The following AFG2A variants were observed in gnomAD, a reference collection of about 807,000 sequenced individuals.
AFG2A encodes ATPase family gene 2 protein homolog A.
the AFG2A span, among the ~76,000 whole-genome samples, chr4:123,302,291 A>G: frequency 1.3e-5 from 2 of 152,064 alleles, no homozygotes; most frequent in South Asian, 2.1e-4. Flanking sequence ...AAGCTCTCCC[A>G]TTACATGAGT....
At chr4:122,923,956 G>A in the AFG2A span, among the ~76,000 whole-genome samples, 1 of 152,224 alleles carries the variant, frequency 6.6e-6, no homozygotes, top group Non-Finnish European at 1.5e-5. Context: ...CTAGATGACA[G>A]CTCCTTTGAT....
the AFG2A span, among the ~76,000 whole-genome samples, chr4:123,083,750 G>A: frequency 6.6e-6 from 1 of 151,650 alleles, no homozygotes; most frequent in African/African-American, 2.4e-5. Flanking sequence ...TTGCATCTAT[G>A]TTTATGGGCA....
the AFG2A span, among the ~76,000 whole-genome samples, chr4:123,147,469 C>A: frequency 6.6e-6 from 1 of 151,968 alleles, no homozygotes; most frequent in Non-Finnish European, 1.5e-5. Flanking sequence ...TTACCATTTG[C>A]CTTTTTCATT....
At chr4:123,118,173 G>T in the AFG2A span, among the ~76,000 whole-genome samples, 1 of 150,592 alleles carries the variant, frequency 6.6e-6, no homozygotes, top group African/African-American at 2.4e-5. Flanking sequence ...CTCATTCCTT[G>T]TTCCTTCTAC....
At chr4:123,313,514 GC>G in the AFG2A span, among the ~76,000 whole-genome samples, 2 of 152,222 alleles carry the variant, frequency 1.3e-5, no homozygotes, top group South Asian at 2.1e-4. Flanking sequence ...GTTGGCTCCC[GC>G]CTCCCTCCAC....
At chr4:122,963,484 A>G in the AFG2A span, among the ~76,000 whole-genome samples, 2 of 152,196 alleles carry the variant, frequency 1.3e-5, no homozygotes, top group Non-Finnish European at 1.5e-5. Flanking sequence ...AGCACCTTGT[A>G]TGTACTAACA....
chr4:123,228,190 A>C, the AFG2A span, among the ~76,000 whole-genome samples: 16 of 152,106 alleles, frequency 1.1e-4, no homozygotes, highest in Admixed American at 5.2e-4. Flanking sequence ...CAGTCCGTGT[A>C]TTTTAATTGG....
At chr4:122,997,478 T>A in the AFG2A span, among the ~76,000 whole-genome samples, 1 of 152,324 alleles carries the variant, frequency 6.6e-6, no homozygotes, top group African/African-American at 2.4e-5. Flanking sequence ...TATTTAATTT[T>A]TTTTAACTGC....
the AFG2A span, among the ~76,000 whole-genome samples, chr4:123,199,198 A>G: frequency 6.6e-6 from 1 of 152,120 alleles, no homozygotes; most frequent in Non-Finnish European, 1.5e-5. Context: ...TGATATAGAT[A>G]CAGATATAGA....
chr4:123,195,864 C>T, the AFG2A span, among the ~76,000 whole-genome samples: 1 of 152,158 alleles, frequency 6.6e-6, no homozygotes, highest in Non-Finnish European at 1.5e-5. Context: ...TTTCACCATC[C>T]CCAGCTTCCC....
At chr4:123,041,642 C>T in the AFG2A span, among the ~76,000 whole-genome samples, 1 of 152,018 alleles carries the variant, frequency 6.6e-6, no homozygotes, top group Admixed American at 6.6e-5. Context: ...AGCGATTCTC[C>T]TGCCTGAGTC....
At chr4:123,108,083 C>A in the AFG2A span, among the ~76,000 whole-genome samples, 1 of 152,236 alleles carries the variant, frequency 6.6e-6, no homozygotes, top group Non-Finnish European at 1.5e-5. Context: ...GCAGCCTTGA[C>A]GGCTTGGCAG....
At chr4:123,107,937 C>A in the AFG2A span, among the ~76,000 whole-genome samples, 9 of 152,230 alleles carry the variant, frequency 5.9e-5, no homozygotes, top group Non-Finnish European at 1.2e-4. Context: ...GGAGCAGTCA[C>A]TTCTGAGCCT....
At chr4:122,968,237 T>C in the AFG2A span, among the ~76,000 whole-genome samples, 1 of 152,328 alleles carries the variant, frequency 6.6e-6, no homozygotes, top group Admixed American at 6.5e-5. Flanking sequence ...TTGCTTTATT[T>C]ATAGTTTTTT....
the AFG2A span, among the ~76,000 whole-genome samples, chr4:123,111,975 A>G: frequency 1.3e-5 from 2 of 152,130 alleles, no homozygotes; most frequent in African/African-American, 4.8e-5. Flanking sequence ...CGCCTGCCTC[A>G]GCCTCCCAAA....
At chr4:123,008,719 T>C in the AFG2A span, among the ~76,000 whole-genome samples, 5 of 152,126 alleles carry the variant, frequency 3.3e-5, no homozygotes, top group Non-Finnish European at 5.9e-5. Context: ...AGAGGAATGC[T>C]CTAAGGTAAA....
chr4:123,169,159 T>G, the AFG2A span, among the ~76,000 whole-genome samples: 20 of 152,334 alleles, frequency 1.3e-4, no homozygotes, highest in Admixed American at 1.2e-3. Flanking sequence ...CAAGTGAAGA[T>G]CTCTTAGTTC....
chr4:122,933,357 C>G, the AFG2A span: 1 of 1,050,996 alleles, frequency 9.5e-7, no homozygotes, highest in African/African-American at 1.6e-5. Flanking sequence ...TATATTATAA[C>G]CATATACATG....
chr4:123,228,860 T>C, the AFG2A span, among the ~76,000 whole-genome samples: 1 of 152,036 alleles, frequency 6.6e-6, no homozygotes, highest in Non-Finnish European at 1.5e-5. Flanking sequence ...ATAGGTAAGC[T>C]GATTGGAGGC....
Sources: allele counts gnomAD v4.1 joint callset (sites outside exome capture counted in the v4.1 genomes callset), GRCh38; gene constraint gnomAD v4.1.1; transcripts MANE v1.5; gene names NCBI Gene and HGNC (gene_info 2026-07-23, HGNC 2026-07-21).